MOXD1: variants seen among roughly 807,000 people sequenced by gnomAD.
The protein encoded by MOXD1 is monooxygenase DBH like 1.
MOXD1 carries 62 observed loss-of-function variants against 66.6 expected under a neutral mutation model. That is an observed-to-expected ratio of 0.93 (90% confidence interval 0.76 to 1.15). The LOEUF is 1.15. MOXD1 is among the 50% of genes most tolerant of loss of function. MOXD1 has a pLI of 0.00. For missense variants in MOXD1, 847 were observed against 754.6 expected (o/e 1.12, Z -1.44); for synonymous variants, 303 against 281.9 (o/e 1.07, Z -0.75).
At chr6:132,387,101 C>T (rs1426438047) in intron 1 of MOXD1, among the ~76,000 whole-genome samples, 1 of 151,294 alleles carries the variant, frequency 6.6e-6, no homozygotes, top group African/African-American at 2.4e-5. Flanking sequence ...ATCCATATGT[C>T]CATTAAAAGC....
chr6:132,298,867 T>A (rs1774468525), intron 10 of MOXD1, among the ~76,000 whole-genome samples: 1 of 152,158 alleles, frequency 6.6e-6, no homozygotes. Context: ...GTTTGTAGAT[T>A]TCTCAAAGAA....
chr6:132,389,048 A>G (rs1371742438), intron 1 of MOXD1, among the ~76,000 whole-genome samples: 1 of 150,938 alleles, frequency 6.6e-6, no homozygotes, highest in African/African-American at 2.4e-5. Context: ...TATTATTATT[A>G]TTATTTGGGG....
rs1562296070 is a variant in MOXD1, at chr6:132,372,847, C to T, written c.562G>A (p.Asp188Asn). Reference protein sequence around the residue: ...SVLSTALPYFDLVNQDVPIPN... With the variant: ...SVLSTALPYFNLVNQDVPIPN... ...ACACTTACGTCCTGATTTACCAGATCAAAGTATGGTAAGGCTGTAGATAGC... is the reference window on the plus strand; with the variant it reads ...ACACTTACGTCCTGATTTACCAGATTAAAGTATGGTAAGGCTGTAGATAGC... Residue 188 changes from aspartate to asparagine, a missense_variant, in exon 3 of 12, where the codon GAT (aspartate) becomes AAT (asparagine). Transcript: ENST00000367963. 2.5e-6 allele frequency: 4 copies of T among 1,613,910 alleles called. No homozygotes were observed. The highest frequency in any genetic ancestry group is 3.4e-6 in the Non-Finnish European group (4 of 1,179,856).
At chr6:132,377,321 T>C (rs1029278539) in intron 1 of MOXD1, among the ~76,000 whole-genome samples, 2 of 152,224 alleles carry the variant, frequency 1.3e-5, no homozygotes, top group African/African-American at 2.4e-5. Flanking sequence ...ATGAGAGATT[T>C]AGATCAGTTA....
At chr6:132,315,060 T>C (rs1178139527) in intron 10 of MOXD1, among the ~76,000 whole-genome samples, 2 of 152,206 alleles carry the variant, frequency 1.3e-5, no homozygotes, top group Non-Finnish European at 2.9e-5. Context: ...GAGTGACTCA[T>C]TGTGCCTATA....
chr6:132,297,371 G>C, intron 11 of MOXD1, 54 bp from the exon 12 acceptor site: 1 of 1,572,302 alleles, frequency 6.4e-7, no homozygotes, highest in Non-Finnish European at 8.7e-7. Flanking sequence ...AGGCAGCACA[G>C]TGACCAGGCC....
chr6:132,394,337 A>G (rs1776829494), intron 1 of MOXD1, among the ~76,000 whole-genome samples: 1 of 152,226 alleles, frequency 6.6e-6, no homozygotes, highest in African/African-American at 2.4e-5. Flanking sequence ...AAGCAAATTC[A>G]AAAAACTGGA....
intron 10 of MOXD1, among the ~76,000 whole-genome samples, chr6:132,313,934 A>T (rs1774885567): frequency 6.6e-6 from 1 of 152,106 alleles, no homozygotes; most frequent in African/African-American, 2.4e-5. Flanking sequence ...AAAAACAAAA[A>T]CAAAAACAAA....
chr6:132,359,495 T>TC (rs1775971387), intron 4 of MOXD1, among the ~76,000 whole-genome samples: 1 of 149,112 alleles, frequency 6.7e-6, no homozygotes, highest in African/African-American at 2.5e-5. Context: ...TTTCTTTTTT[T>TC]TTTTTTTTTG....
chr6:132,386,447 A>AAAAC, intron 1 of MOXD1, among the ~76,000 whole-genome samples: 1 of 130,342 alleles, frequency 7.7e-6, no homozygotes, highest in African/African-American at 3.3e-5. Context: ...AAAAAAAAAC[A>AAAAC]AAAAAAAAAC....
At chr6:132,305,497 A>G (rs1038297718) in intron 10 of MOXD1, among the ~76,000 whole-genome samples, 3 of 152,124 alleles carry the variant, frequency 2.0e-5, no homozygotes, top group African/African-American at 4.8e-5. Flanking sequence ...CAAGGCACAC[A>G]CCCTCCACCA....
rs149552741 is a variant in MOXD1, at chr6:132,356,112, G to A, written c.663+16496C>T. On this transcript the variant is annotated intron_variant, in intron 4 of 11. Transcript: ENST00000367963. The stretch of plus-strand genomic sequence containing the variant: ...GTACCTGGGAGGGGACGCAAAGGAC[G>A]CTTCTGAGTTGATACTCTATTCTTG... 2.5e-3 allele frequency among the ~76,000 whole-genome samples: 383 copies of A among 152,270 alleles called. 2 individuals carry two copies. The highest frequency in any genetic ancestry group is 8.5e-3 in the African/African-American group (354 of 41,548).
In MOXD1 at chr6:132,298,016, T is replaced by C; in HGVS notation, c.1509-61A>G. On this transcript the variant is annotated intron_variant, in intron 10 of 11. Transcript: ENST00000367963. The stretch of plus-strand genomic sequence containing the variant: ...CAAATGCATTACATGTTTCCTTTAC[T>C]TTTCAGCATCCTAAAATAGATCTCA... 2.1e-6 allele frequency: 3 copies of C among 1,434,404 alleles called. No individual in the cohort carries two copies. The South Asian group carries it at 4.2e-5, about 20-fold the overall frequency. The allele number at this position is 1,434,404 out of a possible 1,614,324, so 88.9% of individuals were successfully genotyped here.
At chr6:132,313,788 G>A (rs992681216) in intron 10 of MOXD1, among the ~76,000 whole-genome samples, 19 of 152,012 alleles carry the variant, frequency 1.2e-4, no homozygotes, top group Admixed American at 8.5e-4. Context: ...GGTGGCGAGC[G>A]CCTGTAATCC....
At chr6:132,340,801 C>T (rs1374944814) in intron 4 of MOXD1, among the ~76,000 whole-genome samples, 1 of 151,842 alleles carries the variant, frequency 6.6e-6, no homozygotes, top group Non-Finnish European at 1.5e-5. Context: ...CGCCCGCCAC[C>T]GCGCCCGGCT....
chr6:132,389,722 C>T (rs1425467848), intron 1 of MOXD1, among the ~76,000 whole-genome samples: 2 of 151,454 alleles, frequency 1.3e-5, no homozygotes, highest in East Asian at 3.8e-4. Context: ...GACTGGACTG[C>T]AATCTGCCAT....
chr6:132,356,704 T>A (rs1775916341), intron 4 of MOXD1, among the ~76,000 whole-genome samples: 2 of 152,152 alleles, frequency 1.3e-5, no homozygotes, highest in Admixed American at 1.3e-4. Flanking sequence ...TAATGTGTTA[T>A]AATATTTTGT....
chr6:132,330,695 TTAAAATCCTTG>T (rs1309738990), intron 4 of MOXD1, among the ~76,000 whole-genome samples: 9 of 152,246 alleles, frequency 5.9e-5, no homozygotes, highest in Non-Finnish European at 1.3e-4. Flanking sequence ...GCACCGCATT[TTAAAATCCTTG>T]CTTGCTCTCT....
intron 1 of MOXD1, 146 bp from the exon 2 acceptor site, chr6:132,374,923 G>T: frequency 1.3e-6 from 1 of 760,422 alleles, no homozygotes; most frequent in African/African-American, 1.8e-5. Flanking sequence ...TCCAACTGGG[G>T]AATCAGGTCC....
Sources: allele counts gnomAD v4.1 joint callset (sites outside exome capture counted in the v4.1 genomes callset), GRCh38; gene constraint gnomAD v4.1.1; transcripts MANE v1.5; gene names NCBI Gene and HGNC (gene_info 2026-07-23, HGNC 2026-07-21).